RBMS3: variants seen among roughly 807,000 people sequenced by gnomAD.
RBMS3 encodes RNA-binding motif, single-stranded-interacting protein 3.
RBMS3 carries 27 observed loss-of-function variants against 66.8 expected under a neutral mutation model. That is an observed-to-expected ratio of 0.40 (90% CI 0.30 to 0.56). The LOEUF (loss-of-function observed/expected upper bound fraction) is 0.56. RBMS3 is among the 20% of genes least tolerant of loss of function. The probability of loss-of-function intolerance (pLI) is 0.40; values close to 1 mark genes in which losing one functional copy is unlikely to be tolerated. For synonymous variants in RBMS3, 188 were observed against 183.0 expected, an observed-to-expected ratio of 1.03 and a Z score of -0.22; for missense variants, 513 against 549.5, an observed-to-expected ratio of 0.93 and a Z score of 0.66.
At chr3:29,771,093 C>G (rs2056180926) in intron 6 of RBMS3, among the ~76,000 whole-genome samples, 1 of 151,932 alleles carries the variant, frequency 6.6e-6, no homozygotes, top group South Asian at 2.1e-4. Context: ...TGAATGAAAA[C>G]AGTAGGCAAG....
At chr3:29,907,222 A>T (rs1471474467) in intron 10 of RBMS3, among the ~76,000 whole-genome samples, 1 of 152,130 alleles carries the variant, frequency 6.6e-6, no homozygotes, top group African/African-American at 2.4e-5. Context: ...TATATGAAAC[A>T]ATTTTTGTAA....
At chr3:29,762,756 T>C (rs899575258) in intron 5 of RBMS3, among the ~76,000 whole-genome samples, 154 bp from the exon 6 acceptor site, 5 of 152,132 alleles carry the variant, frequency 3.3e-5, no homozygotes, top group African/African-American at 4.8e-5. Flanking sequence ...TGATGTTCTC[T>C]TATCAATCTG....
chr3:29,512,207 T>C (rs764130987), intron 3 of RBMS3, among the ~76,000 whole-genome samples: 1 of 152,040 alleles, frequency 6.6e-6, no homozygotes, highest in Non-Finnish European at 1.5e-5. Flanking sequence ...CAGGATTATT[T>C]ACCAAGCAGA....
intron 14 of RBMS3, among the ~76,000 whole-genome samples, chr3:29,992,451 G>C (rs937210131): frequency 6.6e-6 from 1 of 152,134 alleles, no homozygotes. Context: ...GCTGGGCATG[G>C]TGGCGGGTGC....
chr3:29,412,437 G>T (rs2040303777), intron 1 of RBMS3, among the ~76,000 whole-genome samples: 1 of 152,082 alleles, frequency 6.6e-6, no homozygotes, highest in Non-Finnish European at 1.5e-5. Context: ...GAAGCATAAA[G>T]GCAAGTAGAA....
At position 29,779,169 on chromosome 3, in the gene RBMS3, G is replaced by C. The variant is rs2056530832; in HGVS notation, c.637+16180G>C. Among the ~76,000 whole-genome samples, 5 of 151,724 alleles carry C rather than the reference G, an allele frequency of 3.3e-5. No homozygotes were observed. The South Asian group carries it at 1.0e-3, about 31-fold the overall frequency. ...TGGTTTTAACACTGATTTTTAATAA[G>C]TGGTTCTTTTGTTTTAAAGGAAAGG... On this transcript the variant is annotated intron_variant, in intron 6 of 14. Coordinates refer to ENST00000383767, the MANE Select transcript of RBMS3 (RefSeq NM_001003793.3).
chr3:29,737,919 T>C (rs143125714), intron 4 of RBMS3, among the ~76,000 whole-genome samples: 3 of 151,634 alleles, frequency 2.0e-5, no homozygotes, highest in African/African-American at 7.3e-5. Flanking sequence ...ACTTCACTCA[T>C]TCAGTTTCTA....
chr3:29,842,438 G>A (rs556814378), intron 6 of RBMS3, among the ~76,000 whole-genome samples: 21 of 152,088 alleles, frequency 1.4e-4, no homozygotes, highest in South Asian at 1.2e-3. Flanking sequence ...TGTTTCTACC[G>A]CACACAAGAC....
At chr3:29,825,826 T>C (rs903413031) in intron 6 of RBMS3, among the ~76,000 whole-genome samples, 1 of 152,208 alleles carries the variant, frequency 6.6e-6, no homozygotes, top group Non-Finnish European at 1.5e-5. Flanking sequence ...TACTTAGCTA[T>C]TCTAAGATTA....
chr3:29,323,999 A>G (rs989124245), intron 1 of RBMS3, among the ~76,000 whole-genome samples: 6 of 146,872 alleles, frequency 4.1e-5, no homozygotes, highest in Admixed American at 6.7e-5. Context: ...CCACTCTGAA[A>G]AAAAAAAAAA....
At chr3:29,359,333 A>G (rs1174005750) in intron 1 of RBMS3, among the ~76,000 whole-genome samples, 1 of 152,264 alleles carries the variant, frequency 6.6e-6, no homozygotes, top group Non-Finnish European at 1.5e-5. Context: ...GGTTCTGTTT[A>G]TATGCTGGAT....
intron 12 of RBMS3, among the ~76,000 whole-genome samples, chr3:29,977,937 C>G (rs1479715553): frequency 6.6e-6 from 1 of 151,580 alleles, no homozygotes; most frequent in Non-Finnish European, 1.5e-5. Context: ...GAATATACAT[C>G]TATTCTTGTG....
chr3:29,691,769 A>G (rs1200428382), intron 4 of RBMS3, among the ~76,000 whole-genome samples: 1 of 152,046 alleles, frequency 6.6e-6, no homozygotes, highest in African/African-American at 2.4e-5. Context: ...CTTATGGAAA[A>G]AAACACTGAA....
chr3:29,871,557 T>C (rs1261209602), intron 7 of RBMS3, among the ~76,000 whole-genome samples: 3 of 152,150 alleles, frequency 2.0e-5, no homozygotes, highest in East Asian at 3.9e-4. Flanking sequence ...TTTTTGCTTG[T>C]TTGTTTGTTT....
At chr3:29,397,884 C>A (rs1318898013) in intron 1 of RBMS3, among the ~76,000 whole-genome samples, 1 of 152,094 alleles carries the variant, frequency 6.6e-6, no homozygotes, top group Non-Finnish European at 1.5e-5. Context: ...GAGCTGCAGA[C>A]AGGTGATTCC....
In RBMS3 at chr3:29,606,800, C is replaced by G. The variant is rs557461607; in HGVS notation, c.399+19595C>G. On this transcript the variant is annotated intron_variant, in intron 4 of 14. Coordinates refer to ENST00000383767, the MANE Select transcript of RBMS3 (RefSeq NM_001003793.3). ...CACTTGCAGACAAATGTTGCCCATGCCAATGTTTCAGAAAATACATGAGAT... is the reference window on the plus strand; with the variant it reads ...CACTTGCAGACAAATGTTGCCCATGGCAATGTTTCAGAAAATACATGAGAT... Among the ~76,000 whole-genome samples the G allele has an allele frequency of 9.8e-4, 149 of 151,976 alleles. 2 individuals are homozygous for G. In the South Asian group the frequency reaches 0.03, roughly 30 times the overall value.
chr3:29,286,322 C>G (rs1559460630), intron 1 of RBMS3, among the ~76,000 whole-genome samples: 1 of 151,802 alleles, frequency 6.6e-6, no homozygotes, highest in Non-Finnish European at 1.5e-5. Context: ...CTCCCCCAAG[C>G]CTTCATTATC....
At chr3:29,691,408 G>A (rs2052001364) in intron 4 of RBMS3, among the ~76,000 whole-genome samples, 1 of 152,066 alleles carries the variant, frequency 6.6e-6, no homozygotes, top group Non-Finnish European at 1.5e-5. Context: ...GGCTTGAAAT[G>A]AACTTTCTCT....
At chr3:29,786,185 T>C (rs139524234) in intron 6 of RBMS3, among the ~76,000 whole-genome samples, 20 of 150,718 alleles carry the variant, frequency 1.3e-4, no homozygotes, top group Non-Finnish European at 2.1e-4. Context: ...AAAGAAATCA[T>C]AGACAACACA....
Sources: gnomAD v4.1 joint callset for allele counts (sites outside exome capture counted in the v4.1 genomes callset) on GRCh38, gnomAD v4.1.1 for gene constraint, MANE v1.5 for transcripts, NCBI Gene and HGNC (gene_info 2026-07-23, HGNC 2026-07-21) for gene names.